Variants in BMPR1B observed in about 807,000 individuals in gnomAD.
BMPR1B encodes the protein bone morphogenetic protein receptor type 1B.
Under a neutral mutation model 59.1 loss-of-function variants are expected in BMPR1B, and 12 were observed. The observed-to-expected ratio is 0.20, with a 90% CI of 0.13 to 0.33. The LOEUF (loss-of-function observed/expected upper bound fraction) is 0.33, where lower values mean the gene tolerates loss of function less well. BMPR1B is among the 10% of genes least tolerant of loss of function. The pLI is 1.00. For synonymous variants in BMPR1B, 237 were observed against 207.3 expected (o/e 1.14, Z -1.23); for missense variants, 550 against 610.9 (o/e 0.90, Z 1.05).
intron 2 of BMPR1B, among the ~76,000 whole-genome samples, chr4:94,912,480 T>C (rs1276547572): frequency 6.6e-6 from 1 of 152,104 alleles, no homozygotes; most frequent in African/African-American, 2.4e-5. Context: ...AAGTGGGATA[T>C]GGGGAAAGAG....
At chr4:94,992,240 C>G (rs1049520663) in intron 2 of BMPR1B, among the ~76,000 whole-genome samples, 1 of 152,158 alleles carries the variant, frequency 6.6e-6, no homozygotes, top group Admixed American at 6.5e-5. Context: ...TTTGTTAGTC[C>G]TATCTTTCTG....
At chr4:95,139,905 C>G (rs1734096056) in intron 10 of BMPR1B, among the ~76,000 whole-genome samples, 1 of 152,186 alleles carries the variant, frequency 6.6e-6, no homozygotes, top group Non-Finnish European at 1.5e-5. Context: ...TATGCCCCAC[C>G]CTGCTTCGGC....
At chr4:95,061,994 G>A (rs1263564497) in intron 3 of BMPR1B, among the ~76,000 whole-genome samples, 1 of 152,052 alleles carries the variant, frequency 6.6e-6, no homozygotes, top group African/African-American at 2.4e-5. Context: ...TGTCTCTCCT[G>A]CCGTCACGTG....
intron 2 of BMPR1B, among the ~76,000 whole-genome samples, chr4:94,949,669 T>A (rs1286944176): frequency 1.3e-5 from 2 of 151,788 alleles, no homozygotes; most frequent in Admixed American, 1.3e-4. Context: ...ATGTGCCACA[T>A]TTTCTTTATT....
chr4:94,904,843 C>T (rs1326978653), intron 2 of BMPR1B, among the ~76,000 whole-genome samples: 3 of 151,968 alleles, frequency 2.0e-5, no homozygotes, highest in African/African-American at 7.2e-5. Flanking sequence ...TATTGCACTC[C>T]TATCATTTGT....
chr4:94,937,966 T>C (rs1729383331), intron 2 of BMPR1B, among the ~76,000 whole-genome samples: 1 of 152,180 alleles, frequency 6.6e-6, no homozygotes, highest in African/African-American at 2.4e-5. Context: ...ATATTTCATA[T>C]AGGTTTAGTG....
intron 2 of BMPR1B, among the ~76,000 whole-genome samples, chr4:94,952,810 T>C (rs1729998906): frequency 6.6e-6 from 1 of 152,320 alleles, no homozygotes; most frequent in African/African-American, 2.4e-5. Flanking sequence ...GTCCTGAATA[T>C]CCTTGTTAAT....
intron 4 of BMPR1B, among the ~76,000 whole-genome samples, chr4:95,113,765 A>G (rs1343232289): frequency 6.6e-6 from 1 of 152,170 alleles, no homozygotes. Context: ...CAGAAAACAC[A>G]TGGTGAAGTG....
At chr4:95,030,085 T>TA (rs1408435690) in intron 3 of BMPR1B, among the ~76,000 whole-genome samples, 1 of 151,604 alleles carries the variant, frequency 6.6e-6, no homozygotes, top group Non-Finnish European at 1.5e-5. Flanking sequence ...ACTCTGATGG[T>TA]AGTTTCTTTT....
chr4:95,100,253 A>G (rs971893304), intron 3 of BMPR1B, among the ~76,000 whole-genome samples: 4 of 152,140 alleles, frequency 2.6e-5, no homozygotes, highest in African/African-American at 4.8e-5. Flanking sequence ...AGAAAGATAC[A>G]TGGGAGGTAA....
chr4:94,962,159 T>G (rs926983768), intron 2 of BMPR1B, among the ~76,000 whole-genome samples: 2 of 146,606 alleles, frequency 1.4e-5, no homozygotes, highest in African/African-American at 2.6e-5. Context: ...TTCTTTTTTT[T>G]GACAGTCTTG....
chr4:95,012,184 A>G (rs1164428010), intron 3 of BMPR1B, among the ~76,000 whole-genome samples: 1 of 152,216 alleles, frequency 6.6e-6, no homozygotes, highest in East Asian at 1.9e-4. Context: ...CATAAATACA[A>G]TGTGCAGATT....
At chr4:94,925,024 A>G (rs1233433445) in intron 2 of BMPR1B, among the ~76,000 whole-genome samples, 2 of 152,130 alleles carry the variant, frequency 1.3e-5, no homozygotes, top group African/African-American at 4.8e-5. Context: ...TATTAAGTGA[A>G]GAGTTTGTTT....
chr4:94,901,781 GA>G (rs1727817547), intron 2 of BMPR1B, among the ~76,000 whole-genome samples: 1 of 151,948 alleles, frequency 6.6e-6, no homozygotes, highest in Non-Finnish European at 1.5e-5. Context: ...CTGTAAAGCA[GA>G]AAATGTGTGT....
chr4:94,943,456 A>T (rs1992650), intron 2 of BMPR1B, among the ~76,000 whole-genome samples: 1 of 152,016 alleles, frequency 6.6e-6, no homozygotes, highest in Admixed American at 6.5e-5. Flanking sequence ...TTGATAATCT[A>T]CTCAGCATAT....
At chr4:94,895,761 G>C (rs1268566025) in intron 2 of BMPR1B, among the ~76,000 whole-genome samples, 1 of 151,244 alleles carries the variant, frequency 6.6e-6, no homozygotes, top group Non-Finnish European at 1.5e-5. Flanking sequence ...TTTTTGTTTG[G>C]TTATTAGAAT....
At chr4:94,786,062 A>G (rs914613547) in intron 1 of BMPR1B, among the ~76,000 whole-genome samples, 1 of 152,192 alleles carries the variant, frequency 6.6e-6, no homozygotes, top group African/African-American at 2.4e-5. Flanking sequence ...GGTAATTATG[A>G]TCCCTGCTCT....
intron 1 of BMPR1B, among the ~76,000 whole-genome samples, chr4:94,824,804 AAAAT>A (rs1724327291): frequency 1.3e-5 from 2 of 152,306 alleles, no homozygotes; most frequent in Non-Finnish European, 2.9e-5. Flanking sequence ...TTTATTTTAT[AAAAT>A]AAAAATGTAA....
intron 1 of BMPR1B, among the ~76,000 whole-genome samples, chr4:94,767,215 CAAAATAAATTTAGCT>C (rs1195271135): frequency 6.6e-6 from 1 of 152,042 alleles, no homozygotes; most frequent in African/African-American, 2.4e-5. Flanking sequence ...TAAATTATTC[CAAAATAAATTTAGCT>C]TAACTACTAT....
Sources: gnomAD v4.1 joint callset for allele counts (sites outside exome capture counted in the v4.1 genomes callset) on GRCh38, gnomAD v4.1.1 for gene constraint, MANE v1.5 for transcripts, NCBI Gene and HGNC (gene_info 2026-07-23, HGNC 2026-07-21) for gene names.